Variants in STIM1 observed in about 807,000 individuals in gnomAD.
STIM1 encodes the protein stromal interaction molecule 1.
STIM1 carries 25 observed loss-of-function variants against 74.7 expected under a neutral mutation model. The observed-to-expected ratio is 0.33, with a 90% confidence interval of 0.24 to 0.47. The LOEUF (loss-of-function observed/expected upper bound fraction) is 0.47. Ranked by LOEUF, STIM1 falls within the 20% of genes least tolerant of loss-of-function variation. The probability of loss-of-function intolerance (pLI) is 1.00; values close to 1 mark genes in which losing one functional copy is unlikely to be tolerated. For missense variants in STIM1, 728 were observed against 920.8 expected (o/e 0.79, Z 2.71); for synonymous variants, 328 against 348.8 (o/e 0.94, Z 0.66).
Position 4,044,529 on chromosome 11 carries a change from A to G in STIM1, c.386-10997A>G, listed in dbSNP as rs947784454. On this transcript the variant is annotated intron_variant, in intron 3 of 12. Coordinates refer to ENST00000526596, the MANE Select transcript of STIM1 (RefSeq NM_001382567.1). The stretch of plus-strand genomic sequence containing the variant: ...GGTTGCTATCTGAGATACAGATGTT[A>G]TAGAGGATACAGCTCATCCTGGCTT... Among the ~76,000 whole-genome samples, 7 of 152,198 alleles carry G rather than the reference A, an allele frequency of 4.6e-5. No individual in the cohort carries two copies. The East Asian group carries it at 1.3e-3, about 29-fold the overall frequency.
chr11:3,943,144 T>A (rs2135618273), intron 1 of STIM1, among the ~76,000 whole-genome samples: 1 of 152,314 alleles, frequency 6.6e-6, no homozygotes, highest in East Asian at 1.9e-4. Context: ...GCCATCTAGA[T>A]GTTTTGTATT....
intron 1 of STIM1, among the ~76,000 whole-genome samples, chr11:3,925,193 G>A (rs1167616340): frequency 1.3e-5 from 2 of 152,232 alleles, no homozygotes; most frequent in East Asian, 1.9e-4. Context: ...TCAATAGATC[G>A]AAACCATCCT....
chr11:4,020,763 A>AT (rs201369502), intron 2 of STIM1, among the ~76,000 whole-genome samples: 8,278 of 146,326 alleles, frequency 0.057, 284 homozygotes, highest in Non-Finnish European at 0.089. Flanking sequence ...CACCTGGCTA[A>AT]TTTTTTTTTT....
intron 10 of STIM1, chr11:4,083,785 A>G (rs770783416): frequency 2.6e-6 from 1 of 378,468 alleles, no homozygotes; most frequent in East Asian, 4.6e-5. Context: ...CACTCTATCT[A>G]CCTTTATAAA....
chr11:4,024,067 C>A, intron 3 of STIM1, 80 bp downstream of exon 3: 1 of 1,188,804 alleles, frequency 8.4e-7, no homozygotes, highest in Non-Finnish European at 1.2e-6. Flanking sequence ...CTTAGAAGAA[C>A]ATGTATATAA....
intron 1 of STIM1, among the ~76,000 whole-genome samples, chr11:3,857,108 G>GTT (rs34961672): frequency 9.6e-6 from 1 of 104,038 alleles, no homozygotes; most frequent in African/African-American, 3.4e-5. Context: ...TTTTTTTTTT[G>GTT]TTTTTTTTTT....
rs2304891 is a variant in STIM1 at position 4,082,294 on chromosome 11, A to G, written c.1080A>G (p.Gln360=). ...WLQLTHEVEV[Q]YYNIKKQNAE... ...AGCTGACACATGAGGTGGAGGTGCA[A>G]TATTACAACATCAAGAAGCAAAATG... is the stretch of plus-strand genomic sequence containing the variant. The change falls in exon 8 of 13, where the codon CAA becomes CAG. Residue 360 remains glutamine, a synonymous_variant. Transcript: ENST00000526596. 0.54 allele frequency: 876,842 copies of G among 1,613,296 alleles called. 246,275 individuals carry two copies. The highest frequency in any genetic ancestry group is 0.58 in the Non-Finnish European group (688,318 of 1,179,746).
At chr11:4,016,878 G>C (rs1489605872) in intron 2 of STIM1, among the ~76,000 whole-genome samples, 24 of 152,266 alleles carry the variant, frequency 1.6e-4, no homozygotes, top group Admixed American at 1.6e-3. Context: ...CGCCGAGCCA[G>C]GCACAGGAGG....
intron 1 of STIM1, among the ~76,000 whole-genome samples, chr11:3,906,023 T>C (rs1002456993): frequency 6.6e-6 from 1 of 152,240 alleles, no homozygotes; most frequent in African/African-American, 2.4e-5. Flanking sequence ...AGGCTTTTAC[T>C]CTATTTTTCT....
intron 1 of STIM1, among the ~76,000 whole-genome samples, chr11:3,955,851 G>C (rs1192242369): frequency 6.6e-6 from 1 of 151,826 alleles, no homozygotes; most frequent in Non-Finnish European, 1.5e-5. Flanking sequence ...GGAAGAAATG[G>C]TGTGTAAAGA....
chr11:4,033,873 A>G (rs1436721794), intron 3 of STIM1, among the ~76,000 whole-genome samples: 1 of 151,898 alleles, frequency 6.6e-6, no homozygotes. Flanking sequence ...TGCCAGGATT[A>G]CAGGCGTGAG....
chr11:3,974,803 G>A (rs1021555262), intron 2 of STIM1, among the ~76,000 whole-genome samples: 2 of 152,012 alleles, frequency 1.3e-5, no homozygotes, highest in Non-Finnish European at 2.9e-5. Flanking sequence ...CAAACTTCTG[G>A]TGGGGTTTGC....
chr11:4,001,487 A>G (rs1015299786), intron 2 of STIM1, among the ~76,000 whole-genome samples: 8 of 152,226 alleles, frequency 5.3e-5, no homozygotes. Flanking sequence ...AGCCAAACTA[A>G]GCTTGACAAG....
At chr11:4,024,605 C>T (rs1590657235) in intron 3 of STIM1, among the ~76,000 whole-genome samples, 1 of 152,122 alleles carries the variant, frequency 6.6e-6, no homozygotes. Context: ...GGCTGCAGAC[C>T]TCCAAGTGTG....
At chr11:3,916,953 G>A (rs1330020116) in intron 1 of STIM1, among the ~76,000 whole-genome samples, 3 of 152,196 alleles carry the variant, frequency 2.0e-5, no homozygotes, top group African/African-American at 4.8e-5. Flanking sequence ...TGTTTTAGTG[G>A]CTGTTGGCTG....
At chr11:3,896,693 G>A (rs1204633567) in intron 1 of STIM1, among the ~76,000 whole-genome samples, 1 of 152,196 alleles carries the variant, frequency 6.6e-6, no homozygotes, top group Non-Finnish European at 1.5e-5. Context: ...AATAATTGGT[G>A]GTGGGGGAAA....
chr11:4,091,323 G>A lies in STIM1; in HGVS notation c.1676G>A (p.Ser559Asn), dbSNP rs200078549. 6 of 1,614,186 alleles carry A rather than the reference G, an allele frequency of 3.7e-6. No homozygotes were observed. The highest frequency in any genetic ancestry group is 3.3e-5 in the Admixed American group (2 of 60,024). ...GATTCGGAGTCCTCCCTCCACATGA[G>A]TGACCGCCAGCGTGTGGCCCCCAAA... ...HSDSESSLHM[S>N]DRQRVAPKPP... Residue 559 changes from serine to asparagine, a missense_variant, in exon 13 of 13, where the codon AGT (serine) becomes AAT (asparagine). Around this residue, in one of 5 missense-constraint regions of STIM1, gnomAD observed 352 missense variants for 370.1 expected, o/e 0.95. Coordinates refer to ENST00000526596, the MANE Select transcript of STIM1 (RefSeq NM_001382567.1).
chr11:3,971,409 G>C (rs2093393312), intron 2 of STIM1, among the ~76,000 whole-genome samples: 1 of 152,062 alleles, frequency 6.6e-6, no homozygotes, highest in Non-Finnish European at 1.5e-5. Context: ...GGCGCCTGTA[G>C]TCCTAGCTAC....
At chr11:3,889,325 A>G (rs953142188) in intron 1 of STIM1, among the ~76,000 whole-genome samples, 11 of 151,788 alleles carry the variant, frequency 7.2e-5, no homozygotes, top group African/African-American at 2.2e-4. Flanking sequence ...TTGAATGCCT[A>G]CTATGTGCCA....
Sources: allele counts gnomAD v4.1 joint callset (sites outside exome capture counted in the v4.1 genomes callset), GRCh38; gene constraint gnomAD v4.1.1; regional missense constraint gnomAD v4.1.1; transcripts MANE v1.5; gene names NCBI Gene and HGNC (gene_info 2026-07-23, HGNC 2026-07-21).